DLG2: variants seen among roughly 807,000 people sequenced by gnomAD.
The protein encoded by DLG2 is disks large homolog 2.
In DLG2, 45 loss-of-function variants were observed where a neutral mutation model predicts 132.5. That is an observed-to-expected ratio of 0.34 (90% CI 0.27 to 0.44). DLG2 has a LOEUF of 0.44. Among genes scored for constraint, DLG2 ranks in the 20% least tolerant of loss-of-function variants. The pLI is 1.00. For missense variants in DLG2, 1,045 were observed against 1,196.9 expected (o/e 0.87, Z 1.87); for synonymous variants, 424 against 419.6 (o/e 1.01, Z -0.13).
At chr11:83,853,299 A>G (rs1387461149) in intron 16 of DLG2, among the ~76,000 whole-genome samples, 1 of 152,110 alleles carries the variant, frequency 6.6e-6, no homozygotes, top group African/African-American at 2.4e-5. Flanking sequence ...GTTGAACAAC[A>G]TTTGGTCTCC....
At chr11:84,524,422 C>T (rs961932800) in intron 7 of DLG2, among the ~76,000 whole-genome samples, 1 of 152,190 alleles carries the variant, frequency 6.6e-6, no homozygotes, top group Non-Finnish European at 1.5e-5. Context: ...CATGGAATTT[C>T]GATCAGGAGA....
intron 6 of DLG2, among the ~76,000 whole-genome samples, chr11:84,984,014 A>G (rs182824494): frequency 2.6e-5 from 4 of 152,326 alleles, no homozygotes; most frequent in African/African-American, 7.2e-5. Flanking sequence ...GGATTATGTT[A>G]AACAACCAAA....
chr11:84,365,931 G>A (rs1033634519), intron 7 of DLG2, among the ~76,000 whole-genome samples: 4 of 152,092 alleles, frequency 2.6e-5, no homozygotes, highest in African/African-American at 9.6e-5. Context: ...TAGCAAGGCA[G>A]GCCAACATTC....
chr11:84,043,856 T>C (rs1457805905), intron 11 of DLG2, among the ~76,000 whole-genome samples: 1 of 151,704 alleles, frequency 6.6e-6, no homozygotes, highest in Non-Finnish European at 1.5e-5. Flanking sequence ...TGGGCTTCAA[T>C]CTTTCTTTTC....
chr11:85,599,246 C>T (rs1339170958), intron 2 of DLG2, among the ~76,000 whole-genome samples: 1 of 152,098 alleles, frequency 6.6e-6, no homozygotes, highest in East Asian at 1.9e-4. Flanking sequence ...GGATTACTCA[C>T]TTTTCCCTTC....
At chr11:83,693,253 G>T (rs1222960744) in intron 18 of DLG2, among the ~76,000 whole-genome samples, 1 of 152,106 alleles carries the variant, frequency 6.6e-6, no homozygotes, top group African/African-American at 2.4e-5. Flanking sequence ...GGGTCTGGGG[G>T]CATGAGTGCA....
At chr11:85,520,144 T>C (rs1003576611) in intron 3 of DLG2, among the ~76,000 whole-genome samples, 17 of 152,214 alleles carry the variant, frequency 1.1e-4, no homozygotes, top group African/African-American at 3.4e-4. Flanking sequence ...CTTCCCAAAG[T>C]GCTGGGATTA....
At chr11:84,417,757 C>T (rs936405601) in intron 7 of DLG2, among the ~76,000 whole-genome samples, 5 of 152,108 alleles carry the variant, frequency 3.3e-5, no homozygotes, top group African/African-American at 7.2e-5. Context: ...TTCATGAAGA[C>T]GTGTTTTTTT....
intron 7 of DLG2, among the ~76,000 whole-genome samples, chr11:84,315,460 G>A (rs1359137900): frequency 1.3e-5 from 2 of 152,092 alleles, no homozygotes; most frequent in African/African-American, 4.8e-5. Flanking sequence ...GCCTATGTGA[G>A]CCTTGAGAAT....
intron 4 of DLG2, among the ~76,000 whole-genome samples, chr11:85,240,692 T>C (rs2075832058): frequency 6.6e-6 from 1 of 151,778 alleles, no homozygotes; most frequent in Admixed American, 6.6e-5. Flanking sequence ...TAACACCACT[T>C]TTATATATCA....
chr11:85,370,626 G>A (rs932375643), intron 3 of DLG2, among the ~76,000 whole-genome samples: 6 of 152,130 alleles, frequency 3.9e-5, no homozygotes, highest in South Asian at 4.2e-4. Context: ...ATTACCTTAC[G>A]GTACTCTGGA....
chr11:84,538,695 A>C (rs775960608), intron 6 of DLG2, among the ~76,000 whole-genome samples: 7 of 152,044 alleles, frequency 4.6e-5, no homozygotes, highest in Non-Finnish European at 1.0e-4. Context: ...ACTTGGATGA[A>C]GCTTGGGATG....
chr11:85,603,336 T>C (rs2153234310), intron 2 of DLG2, among the ~76,000 whole-genome samples: 1 of 152,300 alleles, frequency 6.6e-6, no homozygotes, highest in South Asian at 2.1e-4. Context: ...ATAGTTACTT[T>C]ACTTACCACT....
chr11:84,548,467 T>C (rs1200518841), intron 6 of DLG2, among the ~76,000 whole-genome samples: 1 of 139,398 alleles, frequency 7.2e-6, no homozygotes, highest in East Asian at 2.5e-4. Flanking sequence ...GTGTGTGATG[T>C]TCCCCTTCCT....
At chr11:85,203,737 TAAG>T (rs1420725043) in intron 4 of DLG2, among the ~76,000 whole-genome samples, 8 of 151,936 alleles carry the variant, frequency 5.3e-5, no homozygotes, top group African/African-American at 7.2e-5. Flanking sequence ...ACACAGCACC[TAAG>T]AAAGCTACAG....
At chr11:84,685,681 A>C (rs1017558230) in intron 6 of DLG2, among the ~76,000 whole-genome samples, 6 of 152,182 alleles carry the variant, frequency 3.9e-5, no homozygotes, top group Admixed American at 2.6e-4. Context: ...ATATATTTCA[A>C]AGTAATATTT....
At chr11:84,054,209 C>T (rs1015665346) in intron 11 of DLG2, among the ~76,000 whole-genome samples, 1 of 152,092 alleles carries the variant, frequency 6.6e-6, no homozygotes, top group Non-Finnish European at 1.5e-5. Context: ...CTTTAGGCTT[C>T]TTTGGCCCAG....
chr11:83,610,905 C>T (rs1195492378), intron 19 of DLG2, among the ~76,000 whole-genome samples: 1 of 152,006 alleles, frequency 6.6e-6, no homozygotes, highest in Non-Finnish European at 1.5e-5. Context: ...AAATTAAAAC[C>T]CACATCATTT....
At chr11:85,512,495 A>G (rs752779417) in intron 3 of DLG2, among the ~76,000 whole-genome samples, 1 of 152,196 alleles carries the variant, frequency 6.6e-6, no homozygotes, top group South Asian at 2.1e-4. Context: ...ACCTTTCTCT[A>G]TAAATAATAT....
Sources: allele counts gnomAD v4.1 joint callset (sites outside exome capture counted in the v4.1 genomes callset), GRCh38; gene constraint gnomAD v4.1.1; transcripts MANE v1.5; gene names NCBI Gene and HGNC (gene_info 2026-07-23, HGNC 2026-07-21).